Variants in GREB1 observed in about 807,000 individuals in gnomAD.
GREB1 encodes the protein protein GREB1.
Under a neutral mutation model 200.7 loss-of-function variants are expected in GREB1, and 106 were observed. That is an observed-to-expected ratio of 0.53 (90% CI 0.45 to 0.62). GREB1 has a LOEUF of 0.62. GREB1 is among the 20% of genes least tolerant of loss of function. The probability of loss-of-function intolerance (pLI) is 0.00; values close to 1 mark genes in which losing one functional copy is unlikely to be tolerated. For missense variants in GREB1, 2,243 were observed against 2,556.8 expected (o/e 0.88, Z 2.65); for synonymous variants, 1,132 against 1,092.4 (o/e 1.04, Z -0.72).
At position 11,610,849 on chromosome 2, in the gene GREB1, C is replaced by T. The variant is rs1312122695; in HGVS notation, c.2828C>T (p.Pro943Leu). The change falls in exon 18 of 33, where the codon CCC becomes CTC. Residue 943 changes from proline (P) to leucine (L), a missense_variant. Transcript: ENST00000381486. ...CTCCTCAACTCCCCGAAGCAGTGCC[C>T]CTGCGGCCACGGGCTCATGGTCCTG... is the stretch of plus-strand genomic sequence containing the variant. The part of the protein sequence containing the change: ...QNLLNSPKQC[P>L]CGHGLMVLLR... 2 of 1,613,362 alleles carry T rather than the reference C, an allele frequency of 1.2e-6. No individual in the cohort carries two copies. The highest frequency in any genetic ancestry group is 2.2e-5 in the East Asian group (1 of 44,890).
In GREB1 at chr2:11,548,529, A is replaced by C. The variant is rs1675513125; in HGVS notation, c.-161-7925A>C. ...GCATTGTACATCTTATTCTTCCTGC[A>C]CCTGTCAATAATACATCCCCATATT... On this transcript the variant is annotated intron_variant, in intron 1 of 32. Coordinates refer to ENST00000381486, the MANE Select transcript of GREB1 (RefSeq NM_014668.4). This position sits in a 1 kb window ranked among gnomAD's most constrained non-coding sequence, Gnocchi z 5.1. 6.6e-6 allele frequency among the ~76,000 whole-genome samples: 1 copy of C among 152,216 alleles called. No individual in the cohort carries two copies. Among genetic ancestry groups the C allele is most frequent in the African/African-American group, 2.4e-5 (1 of 41,460 alleles).
At chr2:11,621,193 G>A (rs536434874) in intron 23 of GREB1, among the ~76,000 whole-genome samples, 186 bp downstream of exon 23, 2 of 150,046 alleles carry the variant, frequency 1.3e-5, no homozygotes, top group South Asian at 4.4e-4. Context: ...TTTTGCTGTA[G>A]TGATACAATT....
At chr2:11,530,365 G>A (rs1410456834), upstream of GREB1, among the ~76,000 whole-genome samples, 2 of 151,342 alleles carry the variant, frequency 1.3e-5, no homozygotes, top group East Asian at 3.9e-4. Context: ...CCCGGCCCTA[G>A]GTGATTCTTA....
rs373891114 is a variant in GREB1, at chr2:11,616,363, T to C, written c.3323-268T>C. ...CTTTTCCCCCAGGCTCCCCGACCCC[T>C]CTCTCTTTGCATCTCCTCCACCAGC... On this transcript the variant is annotated intron_variant, in intron 20 of 32. Transcript: ENST00000381486. 1.9e-3 allele frequency among the ~76,000 whole-genome samples: 295 copies of C among 152,302 alleles called. 14 individuals are homozygous for C. The South Asian group carries it at 0.06, about 31-fold the overall frequency.
chr2:11,633,973 C>T lies in GREB1; in HGVS notation c.4992-158C>T, dbSNP rs536036821. Among the ~76,000 whole-genome samples the T allele has an allele frequency of 1.3e-4, 20 of 152,346 alleles. No individual in the cohort carries two copies. Among genetic ancestry groups the T allele is most frequent in the Non-Finnish European group, 2.6e-4 (18 of 68,032 alleles). Reference sequence around the variant, plus strand: ...AGCAGAAATGAGCGCCCGTGGGAAGCGCCCAGCAGGGTGCCTGGCCCTGGG... The same window carrying T: ...AGCAGAAATGAGCGCCCGTGGGAAGTGCCCAGCAGGGTGCCTGGCCCTGGG... On this transcript the variant is annotated intron_variant, in intron 28 of 32. Coordinates refer to ENST00000381486, the MANE Select transcript of GREB1 (RefSeq NM_014668.4). This position sits in a 1 kb window ranked among gnomAD's most constrained non-coding sequence, Gnocchi z 4.1.
At position 11,556,817 on chromosome 2, in the gene GREB1, C is replaced by T. The variant is rs779335127; in HGVS notation, c.157+46C>T. ...TTATCTGTGTATTTCTTTTATTGTG[C>T]GCAGTTAATGTTAGCACCAGAACTT... On this transcript the variant is annotated intron_variant, in intron 2 of 32. Coordinates refer to ENST00000381486, the MANE Select transcript of GREB1 (RefSeq NM_014668.4). 60 of 1,484,774 alleles carry T rather than the reference C, an allele frequency of 4.0e-5. No homozygotes were observed. The East Asian group carries it at 1.1e-3, about 28-fold the overall frequency. 92.0% of individuals were successfully genotyped at this position (1,484,774 alleles called of 1,614,324 possible).
At chr2:11,563,542 G>C (rs989235095) in intron 3 of GREB1, among the ~76,000 whole-genome samples, 6 of 152,212 alleles carry the variant, frequency 3.9e-5, no homozygotes, top group Non-Finnish European at 8.8e-5. Flanking sequence ...AAGTGGGGAG[G>C]CCAGTTAGTG....
intron 24 of GREB1, among the ~76,000 whole-genome samples, chr2:11,626,394 C>T (rs1457919461): frequency 6.6e-6 from 1 of 152,044 alleles, no homozygotes; most frequent in Non-Finnish European, 1.5e-5. Flanking sequence ...TCAAGACCAG[C>T]CTGGCTAACA....
At chr2:11,575,378 T>C (rs1219122349) in intron 4 of GREB1, among the ~76,000 whole-genome samples, 1 of 152,220 alleles carries the variant, frequency 6.6e-6, no homozygotes, top group Non-Finnish European at 1.5e-5. Context: ...CCAATGCCTA[T>C]GGTCTGAATA....
intron 17 of GREB1, among the ~76,000 whole-genome samples, chr2:11,603,842 AT>A (rs1682001306): frequency 6.6e-6 from 1 of 152,254 alleles, no homozygotes. Flanking sequence ...AGCACTCTAT[AT>A]TTATTACCTA....
At chr2:11,564,638 T>G (rs1401918242) in intron 3 of GREB1, among the ~76,000 whole-genome samples, 1 of 152,230 alleles carries the variant, frequency 6.6e-6, no homozygotes, top group Non-Finnish European at 1.5e-5. Flanking sequence ...TCAGAAGGCA[T>G]GGACCACACT....
intron 31 of GREB1, among the ~76,000 whole-genome samples, chr2:11,638,430 C>T (rs549078862): frequency 2.0e-5 from 3 of 152,220 alleles, no homozygotes; most frequent in Admixed American, 1.3e-4. Context: ...AGTGAGCCAC[C>T]GCACTCGGCC....
At position 11,509,036 on chromosome 2, in the gene GREB1, G is replaced by A. The variant is rs1350812282; in HGVS notation, c.-159+26655G>A. Among the ~76,000 whole-genome samples, 14 of 151,762 alleles carry A rather than the reference G, an allele frequency of 9.2e-5. No individual in the cohort carries two copies. In the South Asian group the frequency reaches 1.0e-3, roughly 11 times the overall value. On this transcript the variant is annotated intron_variant, in intron 1 of 2. Transcript: ENST00000628795. ...ACTACAGGCGCCCGCCACCACGCCC[G>A]GCTAATTTTTTTGTATTTTTAGTAG... is the stretch of plus-strand genomic sequence containing the variant.
intron 13 of GREB1, 103 bp downstream of exon 13, chr2:11,596,342 C>A: frequency 1.9e-5 from 15 of 793,422 alleles, no homozygotes; most frequent in Admixed American, 1.2e-4. Flanking sequence ...GGCCATGGCG[C>A]AAGTGTGCAC....
At position 11,605,216 on chromosome 2, in the gene GREB1, A is replaced by C. The variant is rs1330463354; in HGVS notation, c.2666+2674A>C. 3.2e-5 allele frequency among the ~76,000 whole-genome samples: 4 copies of C among 126,820 alleles called. 1 individual carries two copies. The highest frequency in any genetic ancestry group is 6.0e-5 in the African/African-American group (2 of 33,558). The allele number at this position is 126,820 out of a possible 152,430, so 83.2% of individuals were successfully genotyped here. The stretch of plus-strand genomic sequence containing the variant: ...ATGGGGAATAACTGACAGCCAGTAG[A>C]CCGTATATCTTTTTTTTTCTTTTTT... On this transcript the variant is annotated intron_variant, in intron 17 of 32. Coordinates refer to ENST00000381486, the MANE Select transcript of GREB1 (RefSeq NM_014668.4).
At chr2:11,626,310 G>A (rs547607075) in intron 24 of GREB1, among the ~76,000 whole-genome samples, 11 of 152,176 alleles carry the variant, frequency 7.2e-5, no homozygotes, top group South Asian at 2.1e-4. Flanking sequence ...AGCAGGGGCC[G>A]GGTGTGGTGG....
intron 1 of GREB1, among the ~76,000 whole-genome samples, chr2:11,510,234 T>C (rs1673311402): frequency 6.6e-6 from 1 of 152,220 alleles, no homozygotes; most frequent in Admixed American, 6.5e-5. Flanking sequence ...AGATTTAATG[T>C]CTGGTGAGAA....
chr2:11,575,880 C>T (rs1678798787), intron 4 of GREB1, among the ~76,000 whole-genome samples: 1 of 152,196 alleles, frequency 6.6e-6, no homozygotes, highest in South Asian at 2.1e-4. Context: ...AGTTTGCTCT[C>T]TACATAGGTG....
intron 5 of GREB1, 73 bp from the exon 6 acceptor site, chr2:11,578,224 C>T (rs1444422659): frequency 1.3e-6 from 2 of 1,507,796 alleles, no homozygotes; most frequent in Non-Finnish European, 9.1e-7. Context: ...GGACACGTTC[C>T]ACTCCAGGAA....
Sources: gnomAD v4.1 joint callset for allele counts (sites outside exome capture counted in the v4.1 genomes callset) on GRCh38, gnomAD v4.1.1 for gene constraint, Gnocchi (gnomAD v3.1) non-coding constraint, MANE v1.5 for transcripts, NCBI Gene and HGNC (gene_info 2026-07-23, HGNC 2026-07-21) for gene names.